TRMT11: variants seen among roughly 807,000 people sequenced by gnomAD.
TRMT11 encodes the protein tRNA methyltransferase 11, also known as tRNA (guanine(10)-N(2))-methyltransferase TRMT11.
A neutral mutation model predicts 62.8 loss-of-function variants in TRMT11; 53 were observed. That is an observed-to-expected ratio of 0.84 (90% CI 0.68 to 1.06). The LOEUF (loss-of-function observed/expected upper bound fraction) is 1.06, where lower values mean the gene tolerates loss of function less well. Ranked by LOEUF, TRMT11 falls within the 50% of genes least tolerant of loss-of-function variation. TRMT11 has a pLI of 0.00. For missense variants in TRMT11, 556 were observed against 553.4 expected, an observed-to-expected ratio of 1.00 and a Z score of -0.05; for synonymous variants, 188 against 190.3, an observed-to-expected ratio of 0.99 and a Z score of 0.10.
intron 18 of TRMT11, among the ~76,000 whole-genome samples, chr6:126,114,073 A>G (rs1394864593): frequency 6.6e-6 from 1 of 152,130 alleles, no homozygotes; most frequent in East Asian, 1.9e-4. Context: ...AGGATAGAGT[A>G]CACAAACAAT....
chr6:126,104,828 G>A (rs951243128), intron 17 of TRMT11, among the ~76,000 whole-genome samples: 1 of 151,810 alleles, frequency 6.6e-6, no homozygotes, highest in African/African-American at 2.4e-5. Flanking sequence ...GATTTCTATC[G>A]AGTTCTTCTT....
the TRMT11 span, among the ~76,000 whole-genome samples, chr6:126,215,480 T>G: frequency 6.6e-6 from 1 of 152,124 alleles, no homozygotes; most frequent in Admixed American, 6.5e-5. Flanking sequence ...TCTTGAAATC[T>G]ATTTTGTCTG....
chr6:126,172,059 A>G (rs557367248), intron 21 of TRMT11, among the ~76,000 whole-genome samples: 1 of 152,312 alleles, frequency 6.6e-6, no homozygotes, highest in South Asian at 2.1e-4. Flanking sequence ...GTTTTTCACC[A>G]GTGCTCAATG....
chr6:126,116,293 A>C (rs1777586227), intron 21 of TRMT11, among the ~76,000 whole-genome samples: 1 of 152,082 alleles, frequency 6.6e-6, no homozygotes, highest in African/African-American at 2.4e-5. Flanking sequence ...AGAGGTGGAC[A>C]GACATAGGGG....
chr6:126,210,757 T>C, the TRMT11 span, among the ~76,000 whole-genome samples: 5 of 152,154 alleles, frequency 3.3e-5, no homozygotes, highest in African/African-American at 1.2e-4. Context: ...TCAAGCAAAA[T>C]TCACTGAATA....
At chr6:126,122,934 A>G (rs912583219) in intron 21 of TRMT11, among the ~76,000 whole-genome samples, 5 of 152,144 alleles carry the variant, frequency 3.3e-5, no homozygotes, top group Admixed American at 6.6e-5. Flanking sequence ...ATTTGGCTGT[A>G]CATATATAAT....
At chr6:126,135,116 T>C (rs373632287) in intron 21 of TRMT11, among the ~76,000 whole-genome samples, 28 of 151,210 alleles carry the variant, frequency 1.9e-4, no homozygotes, top group African/African-American at 6.5e-4. Context: ...AACCCCAAAA[T>C]AGTAGAAGGA....
the TRMT11 span, among the ~76,000 whole-genome samples, chr6:126,269,520 A>G: frequency 1.3e-5 from 2 of 152,182 alleles, no homozygotes; most frequent in Non-Finnish European, 2.9e-5. Flanking sequence ...TACATACTGT[A>G]TGCACTTACC....
chr6:126,001,043 A>C (rs1473525468), intron 7 of TRMT11, among the ~76,000 whole-genome samples: 1 of 152,036 alleles, frequency 6.6e-6, no homozygotes, highest in African/African-American at 2.4e-5. Context: ...TCTTTCCTGC[A>C]TCATTTGAAA....
chr6:126,198,769 C>G (rs1397651429), intron 1 of TRMT11: 1 of 152,194 alleles, frequency 6.6e-6, no homozygotes, highest in Non-Finnish European at 1.5e-5. Flanking sequence ...AGCCCTCTCT[C>G]TCTTTGAGAA....
chr6:126,083,323 A>T (rs1396823641), intron 17 of TRMT11, among the ~76,000 whole-genome samples: 1 of 152,114 alleles, frequency 6.6e-6, no homozygotes, highest in Non-Finnish European at 1.5e-5. Flanking sequence ...ACCCCAATGT[A>T]CCTAAGCCTA....
the TRMT11 span, among the ~76,000 whole-genome samples, chr6:126,260,358 A>G: frequency 6.6e-6 from 1 of 152,164 alleles, no homozygotes; most frequent in Admixed American, 6.5e-5. Flanking sequence ...TTAATTGCCT[A>G]ATTTTTCTCT....
rs398066247 is a variant in TRMT11 at position 126,071,358 on chromosome 6, AT to A, written c.*1437+18180del. Among the ~76,000 whole-genome samples the A allele has an allele frequency of 7.2e-3, 1,037 of 143,858 alleles. 15 individuals carry two copies. The highest frequency in any genetic ancestry group is 0.019 in the African/African-American group (749 of 39,376). 94.4% of individuals were successfully genotyped at this position (143,858 alleles called of 152,430 possible). A position where few individuals can be genotyped will look rare whatever the true frequency, so the allele number is the denominator to read the frequency against. ...TCATGTCCTGGCTTGAATTCTTTTT[AT>A]TTTTTTTTTTTGTTTACCAAATTGC... On this transcript the variant is annotated intron_variant and NMD_transcript_variant, in intron 17 of 22. Transcript: ENST00000648977.
At chr6:125,997,944 A>G (rs559117898) in intron 3 of TRMT11, 109 bp from the exon 4 acceptor site, 3 of 768,346 alleles carry the variant, frequency 3.9e-6, no homozygotes, top group African/African-American at 1.7e-5. Context: ...TTTGCAAAAC[A>G]TAGGCAATAA....
chr6:126,103,209 C>T lies in TRMT11; in HGVS notation c.*1438-9657C>T, dbSNP rs7741502. ...TGGCAATTGATCATAAATGGTCCTACGCTAATTCTCATTTGTCATATGATA... is the reference window on the plus strand; with the variant it reads ...TGGCAATTGATCATAAATGGTCCTATGCTAATTCTCATTTGTCATATGATA... On this transcript the variant is annotated intron_variant and NMD_transcript_variant, in intron 17 of 22. Transcript: ENST00000648977. Among the ~76,000 whole-genome samples, 602 of 152,296 alleles carry T rather than the reference C, an allele frequency of 4.0e-3. 6 individuals are homozygous for T. Among genetic ancestry groups the T allele is most frequent in the East Asian group, 0.033 (171 of 5,182 alleles).
the TRMT11 span, among the ~76,000 whole-genome samples, chr6:126,270,100 T>C: frequency 2.4e-3 from 371 of 152,294 alleles, no homozygotes; most frequent in African/African-American, 8.4e-3. Flanking sequence ...AATATATAAT[T>C]GTATCTCAGA....
the TRMT11 span, among the ~76,000 whole-genome samples, chr6:126,260,978 T>C: frequency 6.6e-6 from 1 of 152,206 alleles, no homozygotes; most frequent in Admixed American, 6.5e-5. Flanking sequence ...TCTTCCAATA[T>C]GTGGGAAGTT....
intron 21 of TRMT11, among the ~76,000 whole-genome samples, chr6:126,151,082 T>C (rs1451810694): frequency 1.3e-5 from 2 of 152,200 alleles, no homozygotes; most frequent in African/African-American, 2.4e-5. Context: ...CCTGTTAACC[T>C]TTGAAATATT....
intron 17 of TRMT11, among the ~76,000 whole-genome samples, chr6:126,095,462 C>T (rs2128172766): frequency 6.6e-6 from 1 of 152,308 alleles, no homozygotes; most frequent in East Asian, 1.9e-4. Flanking sequence ...TGCTGGATAA[C>T]CTGCTCACAG....
Sources: allele counts gnomAD v4.1 joint callset (sites outside exome capture counted in the v4.1 genomes callset), GRCh38; gene constraint gnomAD v4.1.1; transcripts MANE v1.5; gene names NCBI Gene and HGNC (gene_info 2026-07-23, HGNC 2026-07-21).